DIS3L2: variants seen among roughly 807,000 people sequenced by gnomAD.
The protein encoded by DIS3L2 is DIS3 like 3'-5' exoribonuclease 2, also known as DIS3-like exonuclease 2.
A neutral mutation model predicts 97.5 loss-of-function variants in DIS3L2; 34 were observed. The ratio of observed to expected loss-of-function variants is 0.35; its 90% CI spans 0.27 to 0.46. The LOEUF (loss-of-function observed/expected upper bound fraction) is 0.46, where lower values mean the gene tolerates loss of function less well. Among genes scored for constraint, DIS3L2 ranks in the 20% least tolerant of loss-of-function variants. DIS3L2 has a pLI of 1.00. For synonymous variants in DIS3L2, 435 were observed against 445.2 expected (o/e 0.98, Z 0.29); for missense variants, 1,038 against 1,146.0 (o/e 0.91, Z 1.36).
At chr2:231,964,634 G>T (rs1431748770) in intron 1 of DIS3L2, among the ~76,000 whole-genome samples, 3 of 152,200 alleles carry the variant, frequency 2.0e-5, no homozygotes, top group Non-Finnish European at 4.4e-5. Flanking sequence ...TTTTGGAAAT[G>T]ACATTATTTG....
chr2:232,271,820 G>A (rs761208662), intron 13 of DIS3L2, among the ~76,000 whole-genome samples: 1 of 152,094 alleles, frequency 6.6e-6, no homozygotes, highest in African/African-American at 2.4e-5. Context: ...CAGCCGTCGC[G>A]GGTGTTGGAA....
At chr2:232,052,303 C>T (rs1418950346) in intron 5 of DIS3L2, among the ~76,000 whole-genome samples, 1 of 152,132 alleles carries the variant, frequency 6.6e-6, no homozygotes, top group African/African-American at 2.4e-5. Context: ...GGATTACAGG[C>T]GTGAGCCACT....
At chr2:232,124,046 T>A (rs925561449) in intron 6 of DIS3L2, among the ~76,000 whole-genome samples, 1 of 152,186 alleles carries the variant, frequency 6.6e-6, no homozygotes, top group Non-Finnish European at 1.5e-5. Flanking sequence ...CCCATAAATA[T>A]AACCAGGCAT....
chr2:232,240,880 A>G (rs1358362961), intron 11 of DIS3L2, among the ~76,000 whole-genome samples: 1 of 152,240 alleles, frequency 6.6e-6, no homozygotes, highest in Admixed American at 6.5e-5. Flanking sequence ...AAATCAGAAA[A>G]TGAAAAAATC....
chr2:232,168,165 G>T (rs1239050758), intron 9 of DIS3L2, among the ~76,000 whole-genome samples: 1 of 152,128 alleles, frequency 6.6e-6, no homozygotes, highest in Non-Finnish European at 1.5e-5. Flanking sequence ...AACAATGGAA[G>T]TATTTCAAAA....
chr2:232,104,055 A>G (rs1697287505), intron 6 of DIS3L2, among the ~76,000 whole-genome samples: 1 of 151,906 alleles, frequency 6.6e-6, no homozygotes, highest in African/African-American at 2.4e-5. Context: ...TTTAATGGAA[A>G]TAGATTTCTG....
At chr2:232,205,317 G>A (rs1245452931) in intron 9 of DIS3L2, among the ~76,000 whole-genome samples, 1 of 150,968 alleles carries the variant, frequency 6.6e-6, no homozygotes, top group Admixed American at 6.6e-5. Context: ...GTGCAGTGTC[G>A]TGATCTCAGC....
chr2:231,997,900 G>A (rs933516396), intron 1 of DIS3L2, among the ~76,000 whole-genome samples: 3 of 152,126 alleles, frequency 2.0e-5, no homozygotes, highest in African/African-American at 7.2e-5. Flanking sequence ...CCATTAGCCA[G>A]TAGATTTTAT....
intron 5 of DIS3L2, among the ~76,000 whole-genome samples, chr2:232,040,050 G>A (rs1029039288): frequency 1.3e-5 from 2 of 152,204 alleles, no homozygotes; most frequent in South Asian, 2.1e-4. Context: ...ATTATGGTAC[G>A]GTTTGCAGGA....
At chr2:232,040,921 A>T (rs1470328838) in intron 5 of DIS3L2, among the ~76,000 whole-genome samples, 2 of 152,224 alleles carry the variant, frequency 1.3e-5, no homozygotes, top group South Asian at 2.1e-4. Context: ...AGATATTGTC[A>T]GTGTCATAAT....
intron 5 of DIS3L2, among the ~76,000 whole-genome samples, chr2:232,045,385 G>A (rs1354947257): frequency 6.6e-6 from 1 of 152,136 alleles, no homozygotes; most frequent in Non-Finnish European, 1.5e-5. Flanking sequence ...ACTGGTCTCA[G>A]TTTTGTGCTG....
intron 1 of DIS3L2, among the ~76,000 whole-genome samples, chr2:231,970,095 C>T (rs573786920): frequency 6.6e-6 from 1 of 152,020 alleles, no homozygotes; most frequent in African/African-American, 2.4e-5. Flanking sequence ...ACATACTACA[C>T]CTGGCTGATT....
At chr2:232,228,128 G>A (rs1228023665) in intron 10 of DIS3L2, among the ~76,000 whole-genome samples, 3 of 152,152 alleles carry the variant, frequency 2.0e-5, no homozygotes, top group East Asian at 1.9e-4. Flanking sequence ...CACCAGGCCC[G>A]GCTAATTTTG....
At position 232,276,448 on chromosome 2, in the gene DIS3L2, C is replaced by CTCCTGGCTGCCTAGTT. The variant is rs542211781; in HGVS notation, c.1659+13018_1659+13033dup. On this transcript the variant is annotated intron_variant, in intron 13 of 20. Transcript: ENST00000325385. The surrounding 1 kb of genome is among the most constrained non-coding windows in gnomAD (Gnocchi z 4.4). ...GCAGAGCTCCTATCTTTCCTGGACC[C>CTCCTGGCTGCCTAGTT]TCCTGGCTGCCTAGTTTCCTGGCTG... 0.012 allele frequency among the ~76,000 whole-genome samples: 1,784 copies of CTCCTGGCTGCCTAGTT among 152,336 alleles called. 17 individuals carry two copies. The highest frequency in any genetic ancestry group is 0.017 in the Non-Finnish European group (1,179 of 68,032).
At chr2:232,077,248 A>T (rs114137645) in intron 5 of DIS3L2, among the ~76,000 whole-genome samples, 1 of 150,720 alleles carries the variant, frequency 6.6e-6, no homozygotes, top group East Asian at 2.0e-4. Flanking sequence ...AGAAAGCCTT[A>T]CTTTTTCCTT....
At chr2:232,132,840 G>A (rs1465323793) in intron 7 of DIS3L2, among the ~76,000 whole-genome samples, 2 of 152,080 alleles carry the variant, frequency 1.3e-5, no homozygotes, top group East Asian at 1.9e-4. Context: ...CTTTGTTTCT[G>A]TGGGACTGCG....
chr2:232,047,067 T>A (rs868233782), intron 5 of DIS3L2, among the ~76,000 whole-genome samples: 1 of 152,248 alleles, frequency 6.6e-6, no homozygotes, highest in Non-Finnish European at 1.5e-5. Flanking sequence ...GTTTAATACA[T>A]GTTTGTCACA....
intron 17 of DIS3L2, 68 bp from the exon 18 acceptor site, chr2:232,334,301 C>T: frequency 6.5e-7 from 1 of 1,546,790 alleles, no homozygotes; most frequent in Non-Finnish European, 8.8e-7. Flanking sequence ...CCATGCAGCC[C>T]ATCCCCCAGC....
intron 5 of DIS3L2, among the ~76,000 whole-genome samples, chr2:232,084,204 T>G (rs895057085): frequency 6.6e-6 from 1 of 152,194 alleles, no homozygotes; most frequent in African/African-American, 2.4e-5. Context: ...AAACAAGGCT[T>G]ATGTGGTAAA....
Sources: allele counts gnomAD v4.1 joint callset (sites outside exome capture counted in the v4.1 genomes callset), GRCh38; gene constraint gnomAD v4.1.1; non-coding constraint Gnocchi (gnomAD v3.1); transcripts MANE v1.5; gene names NCBI Gene and HGNC (gene_info 2026-07-23, HGNC 2026-07-21).